The following ARHGEF38 variants were observed in gnomAD, a reference collection of about 807,000 sequenced individuals.
The protein encoded by ARHGEF38 is Rho guanine nucleotide exchange factor 38, also known as Rho guanine nucleotide exchange factor (GEF) 38.
Under a neutral mutation model 79.9 loss-of-function variants are expected in ARHGEF38, and 79 were observed. The ratio of observed to expected loss-of-function variants is 0.99; its 90% CI spans 0.82 to 1.19. ARHGEF38 has a LOEUF of 1.19. Among genes scored for constraint, ARHGEF38 ranks in the 50% most tolerant of loss-of-function variants. The probability of loss-of-function intolerance (pLI) is 0.00; values close to 1 mark genes in which losing one functional copy is unlikely to be tolerated. For synonymous variants in ARHGEF38, 366 were observed against 328.3 expected, an observed-to-expected ratio of 1.11 and a Z score of -1.24; for missense variants, 962 against 907.2, an observed-to-expected ratio of 1.06 and a Z score of -0.78.
chr4:105,656,488 AGTTC>A (rs1730332204), intron 9 of ARHGEF38, among the ~76,000 whole-genome samples: 1 of 152,174 alleles, frequency 6.6e-6, no homozygotes, highest in Non-Finnish European at 1.5e-5. Flanking sequence ...ATTTTGTAAG[AGTTC>A]TATAAAATAT....
intron 2 of ARHGEF38, among the ~76,000 whole-genome samples, chr4:105,593,145 C>T (rs1327911298): frequency 6.6e-6 from 1 of 152,082 alleles, no homozygotes; most frequent in East Asian, 1.9e-4. Flanking sequence ...AAAATATTTA[C>T]TAGGTATAAG....
chr4:105,647,888 A>ATT (rs769532644), intron 6 of ARHGEF38, among the ~76,000 whole-genome samples: 5,356 of 119,514 alleles, frequency 0.045, 456 homozygotes, highest in African/African-American at 0.16. Context: ...TTTCTTTTCT[A>ATT]TTTTTTTTTT....
At chr4:105,620,551 T>C (rs1728696882) in intron 3 of ARHGEF38, among the ~76,000 whole-genome samples, 1 of 152,214 alleles carries the variant, frequency 6.6e-6, no homozygotes, top group Non-Finnish European at 1.5e-5. Flanking sequence ...TTTCTGTATG[T>C]AACAAGTGAA....
intron 10 of ARHGEF38, among the ~76,000 whole-genome samples, chr4:105,665,146 C>T (rs1175377208): frequency 6.6e-6 from 1 of 151,874 alleles, no homozygotes; most frequent in African/African-American, 2.4e-5. Context: ...TACAGGCACA[C>T]ACCACCTCAC....
intron 3 of ARHGEF38, 106 bp downstream of exon 3, chr4:105,613,613 G>C (rs893461644): frequency 3.9e-6 from 5 of 1,281,336 alleles, no homozygotes; most frequent in Admixed American, 2.1e-5. Context: ...CTTCCCAGGA[G>C]ATATATAAAT....
chr4:105,606,254 T>C (rs973633209), intron 2 of ARHGEF38, among the ~76,000 whole-genome samples: 20 of 152,130 alleles, frequency 1.3e-4, no homozygotes. Flanking sequence ...CACTGAAGAC[T>C]TTTCTAGAAA....
At chr4:105,622,382 G>A (rs192277391) in intron 3 of ARHGEF38, among the ~76,000 whole-genome samples, 1 of 152,294 alleles carries the variant, frequency 6.6e-6, no homozygotes, top group East Asian at 1.9e-4. Flanking sequence ...CAGCCTCCAG[G>A]AAGCTAAAAT....
At chr4:105,565,605 G>A (rs937268724) in intron 1 of ARHGEF38, among the ~76,000 whole-genome samples, 2 of 152,124 alleles carry the variant, frequency 1.3e-5, no homozygotes, top group Non-Finnish European at 2.9e-5. Context: ...AAAGGGAATC[G>A]GACTGATAGA....
intron 1 of ARHGEF38, among the ~76,000 whole-genome samples, chr4:105,572,742 T>C (rs1726299855): frequency 6.6e-6 from 1 of 152,214 alleles, no homozygotes; most frequent in African/African-American, 2.4e-5. Flanking sequence ...GCTTGAATAA[T>C]ATTCCATTTT....
intron 1 of ARHGEF38, among the ~76,000 whole-genome samples, chr4:105,583,614 C>A (rs1227605830): frequency 2.6e-5 from 4 of 152,170 alleles, no homozygotes; most frequent in Non-Finnish European, 4.4e-5. Flanking sequence ...CATTATTTTT[C>A]TCTATATCAC....
At chr4:105,590,197 T>A (rs1239330581) in intron 2 of ARHGEF38, among the ~76,000 whole-genome samples, 1 of 152,072 alleles carries the variant, frequency 6.6e-6, no homozygotes, top group East Asian at 1.9e-4. Flanking sequence ...GGTCATTCTA[T>A]TTCAAATAGA....
rs190004988 is a variant in ARHGEF38, at chr4:105,618,925, G to T, written c.508+5418G>T. ...TAAGATGTTAATATTGGTGAAGCTG[G>T]GTAAAGAGTATTTGAAAACTATTTG... On this transcript the variant is annotated intron_variant, in intron 3 of 13. Coordinates refer to ENST00000420470, the MANE Select transcript of ARHGEF38 (RefSeq NM_001242729.2). Among the ~76,000 whole-genome samples, 355 of 151,988 alleles carry T rather than the reference G, an allele frequency of 2.3e-3. 2 individuals are homozygous for T. The highest frequency in any genetic ancestry group is 0.014 in the Middle Eastern group (4 of 292).
intron 3 of ARHGEF38, among the ~76,000 whole-genome samples, chr4:105,629,829 C>T (rs1421867986): frequency 2.0e-5 from 3 of 152,026 alleles, no homozygotes; most frequent in Non-Finnish European, 2.9e-5. Context: ...AGTTGCTTTA[C>T]GAAGATACAG....
intron 3 of ARHGEF38, among the ~76,000 whole-genome samples, chr4:105,617,152 C>A (rs1398770637): frequency 6.6e-6 from 1 of 152,100 alleles, no homozygotes; most frequent in Non-Finnish European, 1.5e-5. Flanking sequence ...CAAAGAAAAG[C>A]TTTTAGAAGT....
intron 1 of ARHGEF38, among the ~76,000 whole-genome samples, chr4:105,574,277 G>A (rs575889727): frequency 7.1e-4 from 108 of 152,222 alleles, no homozygotes; most frequent in African/African-American, 2.5e-3. Context: ...ACCGGGTGCG[G>A]TGGCTCACAC....
At chr4:105,573,572 T>A (rs1046234003) in intron 1 of ARHGEF38, among the ~76,000 whole-genome samples, 13 of 152,302 alleles carry the variant, frequency 8.5e-5, no homozygotes, top group African/African-American at 3.1e-4. Flanking sequence ...CTTTATTCTG[T>A]TTCATTAGTC....
At chr4:105,635,456 A>C (rs562208490) in intron 4 of ARHGEF38, among the ~76,000 whole-genome samples, 4 of 152,108 alleles carry the variant, frequency 2.6e-5, no homozygotes, top group Non-Finnish European at 2.9e-5. Context: ...AGAAAAAAAA[A>C]CCCCATGTTT....
At chr4:105,632,872 T>A (rs1729252326) in intron 4 of ARHGEF38, 1 of 152,554 alleles carries the variant, frequency 6.6e-6, no homozygotes, top group African/African-American at 2.4e-5. Flanking sequence ...ATCAGTTTAC[T>A]ATTCATTAAA....
chr4:105,597,985 C>A (rs1232428104), intron 2 of ARHGEF38, among the ~76,000 whole-genome samples: 1 of 151,924 alleles, frequency 6.6e-6, no homozygotes, highest in East Asian at 1.9e-4. Flanking sequence ...TGATCCTTTA[C>A]CTTGTTTACT....
Sources: gnomAD v4.1 joint callset for allele counts (sites outside exome capture counted in the v4.1 genomes callset) on GRCh38, gnomAD v4.1.1 for gene constraint, MANE v1.5 for transcripts, NCBI Gene and HGNC (gene_info 2026-07-23, HGNC 2026-07-21) for gene names.